Variants in ARHGAP17 observed in about 807,000 individuals in gnomAD.
The protein encoded by ARHGAP17 is Rho GTPase activating protein 17.
ARHGAP17 carries 57 observed loss-of-function variants against 99.5 expected under a neutral mutation model. The ratio of observed to expected loss-of-function variants is 0.57; its 90% CI spans 0.46 to 0.71. The LOEUF is 0.71. Among genes scored for constraint, ARHGAP17 ranks in the 30% least tolerant of loss-of-function variants. The pLI is 0.00. For synonymous variants in ARHGAP17, 417 were observed against 429.6 expected (o/e 0.97, Z 0.36); for missense variants, 1,000 against 1,122.4 (o/e 0.89, Z 1.56).
chr16:25,007,917 C>T (rs1473541540), intron 1 of ARHGAP17, among the ~76,000 whole-genome samples: 1 of 152,154 alleles, frequency 6.6e-6, no homozygotes, highest in Non-Finnish European at 1.5e-5. Flanking sequence ...TGAAGAGCAG[C>T]TCTCCCCTTT....
rs1172344695 is a variant in ARHGAP17, at chr16:24,942,101, G to A, written c.1376C>T (p.Thr459Ile). Reference protein sequence around the residue: ...NVSEAFVPLTTPSSNHSFHTG... With the variant: ...NVSEAFVPLTIPSSNHSFHTG... ...GTGGAATGAGTGATTAGAACTCGGG[G>A]TGGTGAGAGGTACAAATGCTTCTGA... The change falls in exon 16 of 20, where the codon ACC (threonine) becomes ATC (isoleucine). Residue 459 changes from threonine to isoleucine, a missense_variant. Transcript: ENST00000289968. 7 of 1,614,068 alleles carry A rather than the reference G, an allele frequency of 4.3e-6. No homozygotes were observed. The highest frequency in any genetic ancestry group is 1.3e-5 in the African/African-American group (1 of 75,038).
chr16:24,948,267 T>A (rs1222887020), intron 13 of ARHGAP17, among the ~76,000 whole-genome samples: 1 of 152,142 alleles, frequency 6.6e-6, no homozygotes, highest in Non-Finnish European at 1.5e-5. Flanking sequence ...TTTGGTTTTT[T>A]AAAAAGGGGG....
chr16:24,964,055 G>A (rs2052095710), intron 7 of ARHGAP17, 142 bp downstream of exon 7: 1 of 538,788 alleles, frequency 1.9e-6, no homozygotes, highest in Admixed American at 3.7e-5. Flanking sequence ...TAGTCTTAGA[G>A]AAGAAGAAAA....
chr16:24,925,624 C>G (rs1347152230), intron 19 of ARHGAP17, among the ~76,000 whole-genome samples: 1 of 152,128 alleles, frequency 6.6e-6, no homozygotes, highest in African/African-American at 2.4e-5. Context: ...GAAACAGAAG[C>G]CACTTAAATA....
chr16:24,979,501 C>T (rs2052611772), intron 1 of ARHGAP17, among the ~76,000 whole-genome samples: 2 of 152,134 alleles, frequency 1.3e-5, no homozygotes, highest in South Asian at 2.1e-4. Flanking sequence ...CCACCACACA[C>T]AATAACAATT....
At chr16:24,999,457 C>T (rs2053298253) in intron 1 of ARHGAP17, among the ~76,000 whole-genome samples, 1 of 151,910 alleles carries the variant, frequency 6.6e-6, no homozygotes, top group South Asian at 2.1e-4. Context: ...CACTCTGTCA[C>T]CCAGGCTGGA....
At chr16:24,985,188 C>CCACACA (rs57147061) in intron 1 of ARHGAP17, among the ~76,000 whole-genome samples, 1 of 150,272 alleles carries the variant, frequency 6.7e-6, no homozygotes, top group Admixed American at 6.6e-5. Flanking sequence ...AAATGCAACC[C>CCACACA]CACACACACA....
At chr16:24,926,117 A>T (rs1228239099) in intron 19 of ARHGAP17, among the ~76,000 whole-genome samples, 1 of 145,732 alleles carries the variant, frequency 6.9e-6, no homozygotes, top group African/African-American at 2.8e-5. Context: ...CTGAAAAAAA[A>T]AAAAGAAAAG....
chr16:24,970,661 A>C, intron 3 of ARHGAP17, 81 bp from the exon 4 acceptor site: 1 of 1,344,020 alleles, frequency 7.4e-7, no homozygotes, highest in Non-Finnish European at 1.1e-6. Flanking sequence ...ATCATTCATT[A>C]ATTTCTCCCT....
In ARHGAP17 at chr16:24,942,048, G is replaced by A. The variant is rs200945876; in HGVS notation, c.1429C>T (p.Leu477=). The change falls in exon 16 of 20, where the codon CTG becomes TTG. Residue 477 remains leucine (L), a synonymous_variant. Coordinates refer to ENST00000289968, the MANE Select transcript of ARHGAP17 (RefSeq NM_001006634.3). ...HTGNDSDSGT[L]ERKRPASMAV... The stretch of plus-strand genomic sequence containing the variant: ...ATGCTAGCAGGCCGCTTCCTCTCCA[G>A]GGTCCCCGAGTCAGAGTCGTTTCCA... 42 of 1,614,012 alleles carry A rather than the reference G, an allele frequency of 2.6e-5. No homozygotes were observed. Among genetic ancestry groups the A allele is most frequent in the Non-Finnish European group, 3.2e-5 (38 of 1,180,004 alleles).
rs577520297 is a variant in ARHGAP17 at position 24,928,543 on chromosome 16, T to C, written c.2515+2241A>G. Among the ~76,000 whole-genome samples the C allele has an allele frequency of 1.4e-4, 22 of 152,306 alleles. No individual in the cohort carries two copies. In the East Asian group the frequency reaches 4.2e-3, roughly 29 times the overall value. On this transcript the variant is annotated intron_variant, in intron 19 of 19. Coordinates refer to ENST00000289968, the MANE Select transcript of ARHGAP17 (RefSeq NM_001006634.3). ...TCTTTCATTTAAATAAAAGGAAATA[T>C]CTGATAATAACATTTTGGTGTGTCA...
intron 19 of ARHGAP17, among the ~76,000 whole-genome samples, chr16:24,923,920 C>G (rs995148943): frequency 9.2e-5 from 14 of 151,976 alleles, no homozygotes; most frequent in African/African-American, 1.9e-4. Flanking sequence ...GGAATGTTAT[C>G]ACTGAGGGTA....
At chr16:25,015,124 A>C in intron 1 of ARHGAP17, 85 bp downstream of exon 1, 2 of 1,157,604 alleles carry the variant, frequency 1.7e-6, no homozygotes, top group Non-Finnish European at 2.1e-6. Context: ...GAGCCGCCGG[A>C]CCGCGGAGGA....
chr16:24,990,479 T>C (rs2053005842), intron 1 of ARHGAP17, among the ~76,000 whole-genome samples: 1 of 149,728 alleles, frequency 6.7e-6, no homozygotes, highest in Admixed American at 6.6e-5. Flanking sequence ...AAGCAAGATC[T>C]TGTCTCAAAA....
intron 18 of ARHGAP17, 118 bp downstream of exon 18, chr16:24,935,352 G>T: frequency 8.1e-7 from 1 of 1,232,650 alleles, no homozygotes; most frequent in Non-Finnish European, 1.1e-6. Context: ...TTCTGCTTGG[G>T]ATTTTACAAC....
intron 3 of ARHGAP17, among the ~76,000 whole-genome samples, chr16:24,974,188 C>T (rs1041249841): frequency 2.0e-5 from 3 of 152,180 alleles, no homozygotes; most frequent in Non-Finnish European, 1.5e-5. Context: ...CCCAGCACTT[C>T]GGGAGGCCGA....
intron 1 of ARHGAP17, among the ~76,000 whole-genome samples, chr16:24,981,202 A>G (rs2052665234): frequency 6.6e-6 from 1 of 152,212 alleles, no homozygotes. Context: ...AAACAACTGC[A>G]AACAATTCAA....
chr16:25,012,906 C>A (rs1426433440), intron 1 of ARHGAP17, among the ~76,000 whole-genome samples: 1 of 152,148 alleles, frequency 6.6e-6, no homozygotes, highest in African/African-American at 2.4e-5. Context: ...TTTTCCCATA[C>A]TCGGGCCCAC....
Position 24,939,513 on chromosome 16 carries a change from C to A in ARHGAP17, c.1575G>T (p.Pro525=), listed in dbSNP as rs765958113. Reference sequence around the variant, plus strand: ...TGCTGCCATCTGTGGGCGGAAGTGGCGGCTGGAAAGCGGGGGATATGTGCT... The same window carrying A: ...TGCTGCCATCTGTGGGCGGAAGTGGAGGCTGGAAAGCGGGGGATATGTGCT... ...NRKHISPAFQ[P]PLPPTDGSTV... is the part of the protein sequence containing the mutation. Residue 525 remains proline (P), a synonymous_variant, in exon 17 of 20, where the codon CCG becomes CCT. Transcript: ENST00000289968. The A allele has an allele frequency of 6.2e-7, 1 of 1,610,336 alleles. No individual in the cohort carries two copies. Among genetic ancestry groups the A allele is most frequent in the Admixed American group, 1.7e-5 (1 of 59,464 alleles).
Sources: allele counts gnomAD v4.1 joint callset (sites outside exome capture counted in the v4.1 genomes callset), GRCh38; gene constraint gnomAD v4.1.1; transcripts MANE v1.5; gene names NCBI Gene and HGNC (gene_info 2026-07-23, HGNC 2026-07-21).